QKI: variants seen among roughly 807,000 people sequenced by gnomAD.
QKI encodes QKI, KH domain containing RNA binding, also known as KH domain-containing RNA-binding protein QKI.
QKI carries 10 observed loss-of-function variants against 39.0 expected under a neutral mutation model. The ratio of observed to expected loss-of-function variants is 0.26; its 90% CI spans 0.16 to 0.43. QKI has a LOEUF of 0.43. Among genes scored for constraint, QKI ranks in the 20% least tolerant of loss-of-function variants. The pLI is 1.00. For synonymous variants in QKI, 204 were observed against 155.4 expected, an observed-to-expected ratio of 1.31 and a Z score of -2.33; for missense variants, 218 against 428.0, an observed-to-expected ratio of 0.51 and a Z score of 4.33.
chr6:163,569,869 T>C (rs1172326698), intron 7 of QKI: 1 of 987,348 alleles, frequency 1.0e-6, no homozygotes, highest in Non-Finnish European at 1.2e-6. Flanking sequence ...TTTTTTGATG[T>C]ACTTAGAGCT....
intron 1 of QKI, among the ~76,000 whole-genome samples, chr6:163,433,384 A>G (rs1354025168): frequency 6.6e-6 from 1 of 152,178 alleles, no homozygotes; most frequent in Non-Finnish European, 1.5e-5. Context: ...TTGTGATTTC[A>G]GAGTCTCTTT....
intron 4 of QKI, among the ~76,000 whole-genome samples, 195 bp from the exon 5 acceptor site, chr6:163,561,787 A>G (rs970592167): frequency 6.6e-6 from 1 of 152,234 alleles, no homozygotes; most frequent in African/African-American, 2.4e-5. Context: ...CTGTATATCA[A>G]CATGCCTTTA....
chr6:163,437,275 ATAATT>A lies in QKI; in HGVS notation c.143-18000_143-17996del, dbSNP rs1408875045. ...GTATATACATAAGCTATATATGTAT[ATAATT>A]TAAATGATACAAGTGATGTATGTAT... On this transcript the variant is annotated intron_variant, in intron 1 of 7. Coordinates refer to ENST00000361752, the MANE Select transcript of QKI (RefSeq NM_006775.3). 5.3e-5 allele frequency among the ~76,000 whole-genome samples: 8 copies of A among 152,282 alleles called. No homozygotes were observed. In the South Asian group the frequency reaches 6.2e-4, roughly 12 times the overall value.
At chr6:163,530,491 TCTG>T (rs775608171) in intron 3 of QKI, among the ~76,000 whole-genome samples, 2 of 152,222 alleles carry the variant, frequency 1.3e-5, no homozygotes, top group Non-Finnish European at 2.9e-5. Context: ...GCCTTTATAA[TCTG>T]CTTAAGAAAC....
intron 3 of QKI, among the ~76,000 whole-genome samples, chr6:163,530,822 C>T (rs911914434): frequency 5.9e-5 from 9 of 152,074 alleles, no homozygotes; most frequent in East Asian, 1.9e-4. Context: ...TTGAAGTGTC[C>T]GCTTCATTTA....
At chr6:163,503,590 T>C (rs1469553676) in intron 3 of QKI, among the ~76,000 whole-genome samples, 3 of 152,146 alleles carry the variant, frequency 2.0e-5, no homozygotes, top group African/African-American at 4.8e-5. Flanking sequence ...CACTTGTCAA[T>C]TTTTGTTTTT....
chr6:163,487,281 T>G (rs576978474), intron 3 of QKI, among the ~76,000 whole-genome samples: 2 of 152,184 alleles, frequency 1.3e-5, no homozygotes, highest in African/African-American at 4.8e-5. Flanking sequence ...CAGCATTGCC[T>G]CTCTCCTTTC....
At chr6:163,565,204 T>G (rs1287019048) in intron 6 of QKI, 1 of 989,902 alleles carries the variant, frequency 1.0e-6, no homozygotes, top group African/African-American at 1.7e-5. Context: ...ACATGTAACC[T>G]GTAACCTTGT....
chr6:163,537,134 G>T (rs1161872823), intron 4 of QKI, among the ~76,000 whole-genome samples: 1 of 152,162 alleles, frequency 6.6e-6, no homozygotes, highest in East Asian at 1.9e-4. Flanking sequence ...CTGAGGCCAA[G>T]AAGTTGAGCT....
chr6:163,542,487 G>A (rs2128243492), intron 4 of QKI, among the ~76,000 whole-genome samples: 1 of 152,140 alleles, frequency 6.6e-6, no homozygotes, highest in East Asian at 1.9e-4. Context: ...GTTTTAATAG[G>A]AAGTGGGGAG....
At chr6:163,561,950 A>G in intron 4 of QKI, 32 bp from the exon 5 acceptor site, 2 of 1,557,044 alleles carry the variant, frequency 1.3e-6, no homozygotes, top group Non-Finnish European at 1.8e-6. Context: ...ACAGTCTCAA[A>G]TGCTTTCATC....
intron 3 of QKI, among the ~76,000 whole-genome samples, chr6:163,494,164 A>G (rs751883819): frequency 2.0e-5 from 3 of 152,182 alleles, no homozygotes; most frequent in Non-Finnish European, 4.4e-5. Flanking sequence ...TAATAATACA[A>G]CAATAGAAAA....
At chr6:163,457,775 G>C (rs1791033019) in intron 2 of QKI, among the ~76,000 whole-genome samples, 1 of 151,940 alleles carries the variant, frequency 6.6e-6, no homozygotes, top group African/African-American at 2.4e-5. Flanking sequence ...CAGTGTCACT[G>C]GTCTTGTGGA....
intron 3 of QKI, among the ~76,000 whole-genome samples, chr6:163,506,510 C>A (rs1040514): frequency 0.78 from 119,095 of 152,086 alleles, 46,821 homozygotes; most frequent in East Asian, 1. Flanking sequence ...TGGAAAATCT[C>A]CCAAGCACCT....
At position 163,574,298 on chromosome 6, in the gene QKI, A is replaced by G. The variant is rs912627401; in HGVS notation, c.*3588A>G. 3.2e-4 allele frequency: 48 copies of G among 152,252 alleles called. No homozygotes were observed. Among genetic ancestry groups the G allele is most frequent in the Admixed American group, 4.6e-4 (7 of 15,284 alleles). The allele number at this position is 152,252 out of a possible 1,614,324, so 9.4% of individuals were successfully genotyped here. Reference sequence around the variant, plus strand: ...ATTGTAAAGCAGAGAAACTGTTGATATTTTACCTTTATTTAGATTTTTGTT... The same window carrying G: ...ATTGTAAAGCAGAGAAACTGTTGATGTTTTACCTTTATTTAGATTTTTGTT... On this transcript the variant is annotated 3_prime_UTR_variant, in exon 8 of 8. Transcript: ENST00000361752.
intron 1 of QKI, among the ~76,000 whole-genome samples, chr6:163,435,799 T>A (rs375886822): frequency 6.6e-6 from 1 of 152,198 alleles, no homozygotes; most frequent in East Asian, 1.9e-4. Flanking sequence ...GGCTTATAAT[T>A]AACACTACTG....
intron 3 of QKI, among the ~76,000 whole-genome samples, chr6:163,490,387 A>T (rs1777979966): frequency 6.6e-6 from 1 of 152,222 alleles, no homozygotes; most frequent in Non-Finnish European, 1.5e-5. Flanking sequence ...TGATATATTG[A>T]CAGTGAACTG....
chr6:163,452,875 C>G (rs184150882), intron 1 of QKI, among the ~76,000 whole-genome samples: 6 of 152,090 alleles, frequency 3.9e-5, no homozygotes, highest in African/African-American at 1.4e-4. Context: ...TTACAGGCGT[C>G]TGCCACCATG....
chr6:163,523,116 G>A (rs1171779788), intron 3 of QKI, among the ~76,000 whole-genome samples: 1 of 151,820 alleles, frequency 6.6e-6, no homozygotes, highest in Non-Finnish European at 1.5e-5. Context: ...GGATCCTTCA[G>A]CATAATTCTT....
Sources: allele counts gnomAD v4.1 joint callset (sites outside exome capture counted in the v4.1 genomes callset), GRCh38; gene constraint gnomAD v4.1.1; transcripts MANE v1.5; gene names NCBI Gene and HGNC (gene_info 2026-07-23, HGNC 2026-07-21).